Variants in EEPD1 observed in about 807,000 individuals in gnomAD.
The protein encoded by EEPD1 is endonuclease/exonuclease/phosphatase family domain containing 1.
EEPD1 carries 17 observed loss-of-function variants against 46.3 expected under a neutral mutation model. That is an observed-to-expected ratio of 0.37 (90% CI 0.25 to 0.55). The LOEUF is 0.55. EEPD1 is among the 20% of genes least tolerant of loss of function. The pLI is 0.83. For synonymous variants in EEPD1, 313 were observed against 315.6 expected (o/e 0.99, Z 0.09); for missense variants, 673 against 745.6 (o/e 0.90, Z 1.13).
intron 3 of EEPD1, among the ~76,000 whole-genome samples, chr7:36,266,392 T>G (rs1787019400): frequency 6.6e-6 from 1 of 152,094 alleles, no homozygotes; most frequent in African/African-American, 2.4e-5. Flanking sequence ...AGAGGCAGCC[T>G]CCCCAGGGCA....
At chr7:36,159,883 C>T (rs1784875558) in intron 2 of EEPD1, among the ~76,000 whole-genome samples, 2 of 152,222 alleles carry the variant, frequency 1.3e-5, no homozygotes, top group Admixed American at 1.3e-4. Context: ...TTCCAGTTTT[C>T]TGAGCCAAGG....
At chr7:36,239,365 G>A (rs868544346) in intron 3 of EEPD1, among the ~76,000 whole-genome samples, 1 of 152,132 alleles carries the variant, frequency 6.6e-6, no homozygotes, top group East Asian at 1.9e-4. Context: ...CACGCATGCC[G>A]GAGTCTGTGT....
At position 36,288,918 on chromosome 7, in the gene EEPD1, T is replaced by C. The variant is rs190451799; in HGVS notation, c.1315+1141T>C. Among the ~76,000 whole-genome samples the C allele has an allele frequency of 3.5e-3, 539 of 152,346 alleles. 7 individuals are homozygous for C. The highest frequency in any genetic ancestry group is 0.012 in the African/African-American group (507 of 41,578). ...CATCTGGCTTGATTTTTCAGAACACTGACCTTGTCTAGGTGAGTTTGTAGT... is the reference window on the plus strand; with the variant it reads ...CATCTGGCTTGATTTTTCAGAACACCGACCTTGTCTAGGTGAGTTTGTAGT... On this transcript the variant is annotated intron_variant, in intron 6 of 7. Transcript: ENST00000242108.
chr7:36,272,196 TAA>T (rs55929032), intron 3 of EEPD1, among the ~76,000 whole-genome samples: 6 of 149,516 alleles, frequency 4.0e-5, no homozygotes, highest in Admixed American at 6.7e-5. Flanking sequence ...AATTTAAAGA[TAA>T]AAAAAAAAGC....
At position 36,154,292 on chromosome 7, in the gene EEPD1, G is replaced by A; in HGVS notation, c.-33G>A. 1 of 1,584,330 alleles carries A rather than the reference G, an allele frequency of 6.3e-7. No homozygotes were observed. The highest frequency in any genetic ancestry group is 1.1e-5 in the South Asian group (1 of 88,658). ...AGCCAGAGAGCTCTTCTGCAGTGGT[G>A]CGGCCTTCCCGGGAGCCTGATCCTG... On this transcript the variant is annotated 5_prime_UTR_variant, in exon 2 of 8. Transcript: ENST00000242108. The surrounding 1 kb of genome is among the most constrained non-coding windows in gnomAD (Gnocchi z 4.2).
At chr7:36,255,332 A>C (rs1786811235) in intron 3 of EEPD1, among the ~76,000 whole-genome samples, 1 of 152,126 alleles carries the variant, frequency 6.6e-6, no homozygotes, top group South Asian at 2.1e-4. Flanking sequence ...CAAGGAAGGG[A>C]TCCAGTTTCA....
intron 2 of EEPD1, among the ~76,000 whole-genome samples, chr7:36,217,046 G>C (rs1786040964): frequency 6.6e-6 from 1 of 152,260 alleles, no homozygotes; most frequent in East Asian, 1.9e-4. Context: ...CAGACCCCAA[G>C]AGTGAGTTCT....
chr7:36,188,106 T>C (rs535208023), intron 2 of EEPD1, among the ~76,000 whole-genome samples: 1 of 152,286 alleles, frequency 6.6e-6, no homozygotes, highest in South Asian at 2.1e-4. Flanking sequence ...TGTGCTGGTA[T>C]TTTTTAAAAA....
intron 3 of EEPD1, among the ~76,000 whole-genome samples, chr7:36,239,861 C>T (rs112241445): frequency 6.6e-6 from 1 of 152,334 alleles, no homozygotes; most frequent in African/African-American, 2.4e-5. Flanking sequence ...GCATGTGTAG[C>T]CGCAGGTGAT....
intron 4 of EEPD1, among the ~76,000 whole-genome samples, chr7:36,281,771 G>A (rs1163529234): frequency 6.6e-6 from 1 of 152,012 alleles, no homozygotes; most frequent in African/African-American, 2.4e-5. Flanking sequence ...TATTATTCAA[G>A]GCCAGATTTA....
chr7:36,172,418 G>A (rs1785100536), intron 2 of EEPD1, among the ~76,000 whole-genome samples: 2 of 152,132 alleles, frequency 1.3e-5, no homozygotes, highest in Admixed American at 1.3e-4. Context: ...GAGGTTCCTA[G>A]AGGGCAGAGA....
chr7:36,155,239 G>A, intron 2 of EEPD1, 37 bp downstream of exon 2: 1 of 1,496,584 alleles, frequency 6.7e-7, no homozygotes, highest in Non-Finnish European at 8.9e-7. Context: ...TGGGTGTGAA[G>A]GCAACTTGTG....
At chr7:36,164,568 C>G (rs2115610652) in intron 2 of EEPD1, among the ~76,000 whole-genome samples, 1 of 152,304 alleles carries the variant, frequency 6.6e-6, no homozygotes, top group South Asian at 2.1e-4. Context: ...TTTATTTAAG[C>G]TAAATTCAGT....
At chr7:36,279,841 G>T (rs1485544582) in intron 3 of EEPD1, among the ~76,000 whole-genome samples, 1 of 152,238 alleles carries the variant, frequency 6.6e-6, no homozygotes, top group Non-Finnish European at 1.5e-5. Context: ...TTTGAGGACC[G>T]CAGAGAGGTG....
intron 3 of EEPD1, among the ~76,000 whole-genome samples, chr7:36,277,203 C>T (rs1404636619): frequency 2.6e-5 from 4 of 152,358 alleles, no homozygotes; most frequent in East Asian, 1.9e-4. Flanking sequence ...TTCCACCTGT[C>T]GAGGCCAGGA....
chr7:36,295,049 A>G (rs983638576), intron 6 of EEPD1, among the ~76,000 whole-genome samples: 12 of 152,024 alleles, frequency 7.9e-5, no homozygotes, highest in African/African-American at 2.9e-4. Flanking sequence ...GTGGTGGTCC[A>G]TACCTGTAAT....
intron 2 of EEPD1, among the ~76,000 whole-genome samples, chr7:36,180,859 C>T (rs945803295): frequency 1.3e-5 from 2 of 152,000 alleles, no homozygotes; most frequent in African/African-American, 4.8e-5. Flanking sequence ...CCCCCCACCC[C>T]CTCATCATGC....
intron 3 of EEPD1, 86 bp downstream of exon 3, chr7:36,239,122 A>G: frequency 7.7e-7 from 1 of 1,297,398 alleles, no homozygotes; most frequent in African/African-American, 1.5e-5. Context: ...GTCACCAGAG[A>G]CAGCCCCTAC....
rs560043655 is a variant in EEPD1, at chr7:36,231,724, G to A, written c.879-7261G>A. ...TTTGCAGAATCAGCAGAAGAAAGGC[G>A]GGGAGGAAGAGGCAGAATTGAAAAT... On this transcript the variant is annotated intron_variant, in intron 2 of 7. Transcript: ENST00000242108. Among the ~76,000 whole-genome samples, 7 of 152,274 alleles carry A rather than the reference G, an allele frequency of 4.6e-5. No individual in the cohort carries two copies. The East Asian group carries it at 7.7e-4, about 17-fold the overall frequency.
Sources: gnomAD v4.1 joint callset for allele counts (sites outside exome capture counted in the v4.1 genomes callset) on GRCh38, gnomAD v4.1.1 for gene constraint, Gnocchi (gnomAD v3.1) non-coding constraint, MANE v1.5 for transcripts, NCBI Gene and HGNC (gene_info 2026-07-23, HGNC 2026-07-21) for gene names.